Variants in FHOD3 observed in about 807,000 individuals in gnomAD.
FHOD3 encodes the protein FH1/FH2 domain-containing protein 3.
In FHOD3, 90 loss-of-function variants were observed where a neutral mutation model predicts 173.0. That is an observed-to-expected ratio of 0.52 (90% CI 0.44 to 0.62). The LOEUF (loss-of-function observed/expected upper bound fraction) is 0.62, where lower values mean the gene tolerates loss of function less well. FHOD3 is among the 20% of genes least tolerant of loss of function. FHOD3 has a pLI of 0.00. For missense variants in FHOD3, 1,945 were observed against 2,034.7 expected, an observed-to-expected ratio of 0.96 and a Z score of 0.85; for synonymous variants, 828 against 823.0, an observed-to-expected ratio of 1.01 and a Z score of -0.10.
intron 6 of FHOD3, among the ~76,000 whole-genome samples, chr18:36,587,369 G>A (rs2860949): frequency 0.99 from 151,176 of 152,224 alleles, 75,081 homozygotes; most frequent in East Asian, 1. Context: ...AGGAGGGGGA[G>A]CTTCTGACCT....
chr18:36,365,672 C>T (rs1455319899), intron 2 of FHOD3, among the ~76,000 whole-genome samples: 7 of 152,008 alleles, frequency 4.6e-5, no homozygotes, highest in Non-Finnish European at 1.0e-4. Context: ...TTTTATGGTA[C>T]CTAAATTATA....
intron 14 of FHOD3, among the ~76,000 whole-genome samples, chr18:36,666,595 T>C (rs534110717): frequency 1.3e-4 from 20 of 152,234 alleles, no homozygotes; most frequent in Non-Finnish European, 2.5e-4. Flanking sequence ...TCAAATTATC[T>C]ACTTGTGAAT....
chr18:36,694,144 A>G (rs1232018015), intron 17 of FHOD3, among the ~76,000 whole-genome samples: 1 of 152,144 alleles, frequency 6.6e-6, no homozygotes, highest in Non-Finnish European at 1.5e-5. Context: ...GCGTTTACAC[A>G]GTGTGTGTTG....
At chr18:36,652,490 G>T in intron 11 of FHOD3, 80 bp from the exon 12 acceptor site, 1 of 1,439,464 alleles carries the variant, frequency 6.9e-7, no homozygotes, top group Admixed American at 2.6e-5. Context: ...CTTTTTGCCT[G>T]TCTCTCTTTT....
intron 8 of FHOD3, among the ~76,000 whole-genome samples, chr18:36,609,695 C>T (rs985288052): frequency 6.6e-6 from 1 of 151,198 alleles, no homozygotes. Flanking sequence ...CTGCAATCTC[C>T]GTCTCCCGGG....
intron 25 of FHOD3, among the ~76,000 whole-genome samples, chr18:36,758,751 C>G (rs1002076073): frequency 1.3e-5 from 2 of 152,204 alleles, no homozygotes; most frequent in African/African-American, 4.8e-5. Flanking sequence ...ATGTGGCCAG[C>G]CAAGCCATAT....
chr18:36,418,707 G>C (rs2049809086), intron 3 of FHOD3, among the ~76,000 whole-genome samples: 1 of 152,098 alleles, frequency 6.6e-6, no homozygotes, highest in Non-Finnish European at 1.5e-5. Context: ...TTGAGCCCAG[G>C]TGTTTGAGAC....
chr18:36,487,561 C>T (rs1208934288), intron 3 of FHOD3, among the ~76,000 whole-genome samples: 2 of 152,144 alleles, frequency 1.3e-5, no homozygotes, highest in Non-Finnish European at 2.9e-5. Flanking sequence ...AGGAAATATA[C>T]TCTGATTAGG....
intron 14 of FHOD3, among the ~76,000 whole-genome samples, chr18:36,678,440 G>A (rs2038002490): frequency 6.7e-6 from 1 of 150,354 alleles, no homozygotes; most frequent in African/African-American, 2.5e-5. Context: ...AGGAGGCTGA[G>A]GTGGGAGAAT....
intron 3 of FHOD3, among the ~76,000 whole-genome samples, chr18:36,378,922 C>A (rs767556026): frequency 6.6e-6 from 1 of 152,236 alleles, no homozygotes; most frequent in South Asian, 2.1e-4. Flanking sequence ...TGACCTCAGG[C>A]GATCTGCCCA....
intron 27 of FHOD3, among the ~76,000 whole-genome samples, chr18:36,767,380 C>T (rs756120828): frequency 6.6e-6 from 1 of 152,228 alleles, no homozygotes; most frequent in Non-Finnish European, 1.5e-5. Flanking sequence ...AGCATAGTGG[C>T]GTGATCTCAG....
intron 3 of FHOD3, among the ~76,000 whole-genome samples, chr18:36,492,827 C>A (rs887727644): frequency 1.8e-4 from 28 of 152,336 alleles, no homozygotes; most frequent in African/African-American, 5.5e-4. Flanking sequence ...AAAGCAAAGC[C>A]TTTGCTTTGG....
At chr18:36,754,405 G>T (rs2042537562) in intron 24 of FHOD3, among the ~76,000 whole-genome samples, 1 of 151,940 alleles carries the variant, frequency 6.6e-6, no homozygotes, top group African/African-American at 2.4e-5. Context: ...TAAAATTTGG[G>T]TACTTATCTG....
At chr18:36,503,892 G>A (rs2055162807) in intron 4 of FHOD3, among the ~76,000 whole-genome samples, 4 of 152,112 alleles carry the variant, frequency 2.6e-5, no homozygotes, top group African/African-American at 7.2e-5. Context: ...AGTAAGGCAT[G>A]CCCTTTCTGT....
chr18:36,737,437 G>A (rs1221588873), intron 20 of FHOD3, among the ~76,000 whole-genome samples: 3 of 152,190 alleles, frequency 2.0e-5, no homozygotes, highest in Non-Finnish European at 2.9e-5. Flanking sequence ...ACATCTGCTT[G>A]AAGTGTCTTG....
chr18:36,349,300 C>A (rs1033274183), intron 1 of FHOD3, among the ~76,000 whole-genome samples: 2 of 152,160 alleles, frequency 1.3e-5, no homozygotes, highest in Admixed American at 6.5e-5. Flanking sequence ...CCAGGTCACA[C>A]GTGACACTGT....
chr18:36,762,952 TTA>T (rs2042949306), intron 27 of FHOD3, among the ~76,000 whole-genome samples: 1 of 113,888 alleles, frequency 8.8e-6, no homozygotes, highest in Admixed American at 9.5e-5. Context: ...AATATGTGTA[TTA>T]TATACGTTAT....
chr18:36,433,564 A>T (rs1360311303), intron 3 of FHOD3, among the ~76,000 whole-genome samples: 1 of 152,242 alleles, frequency 6.6e-6, no homozygotes, highest in Non-Finnish European at 1.5e-5. Context: ...AAGGCTACTC[A>T]GTGTGATCTA....
chr18:36,443,613 G>A (rs1433561146), intron 3 of FHOD3, among the ~76,000 whole-genome samples: 1 of 152,154 alleles, frequency 6.6e-6, no homozygotes, highest in Non-Finnish European at 1.5e-5. Context: ...AAGGAGCCAT[G>A]TTTCCTTTTA....
Sources: gnomAD v4.1 joint callset for allele counts (sites outside exome capture counted in the v4.1 genomes callset) on GRCh38, gnomAD v4.1.1 for gene constraint, MANE v1.5 for transcripts, NCBI Gene and HGNC (gene_info 2026-07-23, HGNC 2026-07-21) for gene names.